GAB2: variants seen among roughly 807,000 people sequenced by gnomAD.
GAB2 encodes GRB2-associated-binding protein 2.
A neutral mutation model predicts 65.5 loss-of-function variants in GAB2; 26 were observed. That is an observed-to-expected ratio of 0.40 (90% CI 0.29 to 0.55). GAB2 has a LOEUF of 0.55. Ranked by LOEUF, GAB2 falls within the 20% of genes least tolerant of loss-of-function variation. GAB2 has a pLI of 0.53. For synonymous variants in GAB2, 321 were observed against 329.6 expected (o/e 0.97, Z 0.28); for missense variants, 884 against 875.8 (o/e 1.01, Z -0.12).
Position 78,265,642 on chromosome 11 carries a change from A to C in GAB2, c.376+14959T>G, listed in dbSNP as rs150925992. On this transcript the variant is annotated intron_variant, in intron 2 of 9. Transcript: ENST00000361507. ...AAACTTCAGGTCTTTGGCAGGCTCT[A>C]TCTCTTCAGCCTAGTTAGTATATCA... Among the ~76,000 whole-genome samples the C allele has an allele frequency of 5.0e-3, 769 of 152,308 alleles. 5 individuals carry two copies. Among genetic ancestry groups the C allele is most frequent in the African/African-American group, 0.018 (733 of 41,564 alleles).
chr11:78,287,470 G>A (rs1042755354), intron 1 of GAB2, among the ~76,000 whole-genome samples: 1 of 152,044 alleles, frequency 6.6e-6, no homozygotes, highest in Non-Finnish European at 1.5e-5. Context: ...AGAGATGGGG[G>A]TCTCACTATT....
intron 1 of GAB2, among the ~76,000 whole-genome samples, chr11:78,352,194 C>T (rs59094938): frequency 0.085 from 12,991 of 152,236 alleles, 1,722 homozygotes; most frequent in African/African-American, 0.29. Flanking sequence ...GCCTGGGCAA[C>T]AGGACTGAGA....
At chr11:78,293,638 C>T (rs1184693249) in intron 1 of GAB2, among the ~76,000 whole-genome samples, 1 of 152,172 alleles carries the variant, frequency 6.6e-6, no homozygotes, top group African/African-American at 2.4e-5. Flanking sequence ...ATCCTACATG[C>T]CACTGTGATC....
intron 1 of GAB2, among the ~76,000 whole-genome samples, chr11:78,347,823 T>A (rs1856214483): frequency 6.6e-6 from 1 of 152,164 alleles, no homozygotes; most frequent in Non-Finnish European, 1.5e-5. Flanking sequence ...GGAAAGGGCA[T>A]GACACAAACT....
intron 2 of GAB2, among the ~76,000 whole-genome samples, chr11:78,267,187 G>T (rs758486049): frequency 6.6e-6 from 1 of 152,178 alleles, no homozygotes; most frequent in African/African-American, 2.4e-5. Flanking sequence ...TGGAAAATTA[G>T]CCAAGATCCC....
At chr11:78,402,558 C>T (rs567508033) in intron 1 of GAB2, among the ~76,000 whole-genome samples, 1 of 147,122 alleles carries the variant, frequency 6.8e-6, no homozygotes, top group Non-Finnish European at 1.5e-5. Flanking sequence ...GCCGCACCCC[C>T]CCACCCCCAC....
At chr11:78,407,198 G>T (rs1248576455) in intron 1 of GAB2, among the ~76,000 whole-genome samples, 3 of 152,172 alleles carry the variant, frequency 2.0e-5, no homozygotes, top group South Asian at 4.1e-4. Flanking sequence ...AATAATGGGT[G>T]AAAACTTCTC....
At chr11:78,304,748 A>G (rs191496472) in intron 1 of GAB2, among the ~76,000 whole-genome samples, 287 of 152,308 alleles carry the variant, frequency 1.9e-3, no homozygotes, top group African/African-American at 6.7e-3. Context: ...GTAATATGAA[A>G]AAGTTTGAAA....
Position 78,226,589 on chromosome 11 carries a change from T to G in GAB2, c.1083A>C (p.Ala361=). The G allele has an allele frequency of 1.1e-6, 1 of 930,274 alleles. No homozygotes were observed. The highest frequency in any genetic ancestry group is 1.6e-6 in the Non-Finnish European group (1 of 635,500). 57.6% of individuals were successfully genotyped at this position (930,274 alleles called of 1,614,324 possible). A position where few individuals can be genotyped will look rare whatever the true frequency, so the allele number is the denominator to read the frequency against. The change falls in exon 4 of 10, where the codon GCA becomes GCC. Residue 361 remains alanine, a synonymous_variant. Transcript: ENST00000361507. ...GAGGACTGCCCCATCGAGGTGTTTC[T>G]GCCTGACTTGGCTTGGGGGGGCGGG... ...PPPRPPKPSQ[A]ETPRWGSPQQ... is the part of the protein sequence containing the mutation.
At chr11:78,273,016 A>C (rs1482837062) in intron 2 of GAB2, among the ~76,000 whole-genome samples, 2 of 152,216 alleles carry the variant, frequency 1.3e-5, no homozygotes, top group Non-Finnish European at 2.9e-5. Flanking sequence ...TCAGGAATTG[A>C]GGTTTACAAA....
chr11:78,263,033 T>C (rs1865774908), intron 2 of GAB2, among the ~76,000 whole-genome samples: 1 of 152,266 alleles, frequency 6.6e-6, no homozygotes, highest in Non-Finnish European at 1.5e-5. Flanking sequence ...ATTTACTATC[T>C]GGCCCTTTAC....
rs1590951524 is a variant in GAB2, at chr11:78,233,355, G to C, written c.621-6304C>G. Among the ~76,000 whole-genome samples, 9 of 152,246 alleles carry C rather than the reference G, an allele frequency of 5.9e-5. 1 individual carries two copies. The South Asian group carries it at 1.9e-3, about 32-fold the overall frequency. On this transcript the variant is annotated intron_variant, in intron 3 of 9. Transcript: ENST00000361507. ...TGGCCTGTTAGCCATTTTTATTTTA[G>C]CCCTTCCAGCAGAGGTAAAGCAGAA...
chr11:78,382,450 C>G (rs938152236), intron 1 of GAB2, among the ~76,000 whole-genome samples: 1 of 151,464 alleles, frequency 6.6e-6, no homozygotes, highest in Admixed American at 6.6e-5. Flanking sequence ...GGGATCTCGG[C>G]TCACTGCAAG....
chr11:78,306,829 TGTGTGCCTTA>T (rs1855371569), intron 1 of GAB2, among the ~76,000 whole-genome samples: 1 of 152,230 alleles, frequency 6.6e-6, no homozygotes, highest in Non-Finnish European at 1.5e-5. Context: ...TAACTTCTGC[TGTGTGCCTTA>T]GTTTCCTTGT....
intron 1 of GAB2, among the ~76,000 whole-genome samples, chr11:78,306,424 A>T (rs1480262440): frequency 3.9e-5 from 6 of 152,042 alleles, no homozygotes; most frequent in Non-Finnish European, 1.5e-5. Flanking sequence ...TAGAGACAGG[A>T]TTTCACCATG....
chr11:78,349,574 G>C (rs1856243415), intron 1 of GAB2, among the ~76,000 whole-genome samples: 1 of 152,168 alleles, frequency 6.6e-6, no homozygotes, highest in Non-Finnish European at 1.5e-5. Context: ...AGTGCTTAGG[G>C]CATCCTCAGA....
At chr11:78,382,901 A>AG (rs2134740523) in intron 1 of GAB2, among the ~76,000 whole-genome samples, 1 of 152,354 alleles carries the variant, frequency 6.6e-6, no homozygotes, top group Non-Finnish European at 1.5e-5. Context: ...TACTCATGAT[A>AG]GAGGTTCTGG....
chr11:78,415,421 CAG>C (rs1327638019), intron 1 of GAB2, among the ~76,000 whole-genome samples: 2 of 152,146 alleles, frequency 1.3e-5, no homozygotes, highest in Admixed American at 6.5e-5. Context: ...AGCAAACTAG[CAG>C]AGTTTTAACT....
intron 1 of GAB2, among the ~76,000 whole-genome samples, chr11:78,399,123 G>A (rs546966205): frequency 1.3e-5 from 2 of 152,162 alleles, no homozygotes; most frequent in African/African-American, 4.8e-5. Flanking sequence ...CATAAAAATG[G>A]GTTAGAGGGG....
Sources: gnomAD v4.1 joint callset for allele counts (sites outside exome capture counted in the v4.1 genomes callset) on GRCh38, gnomAD v4.1.1 for gene constraint, MANE v1.5 for transcripts, NCBI Gene and HGNC (gene_info 2026-07-23, HGNC 2026-07-21) for gene names.